LRPPRC: variants seen among roughly 807,000 people sequenced by gnomAD.
LRPPRC encodes the protein leucine-rich PPR motif-containing protein, mitochondrial.
Under a neutral mutation model 180.3 loss-of-function variants are expected in LRPPRC, and 120 were observed. That is an observed-to-expected ratio of 0.67 (90% CI 0.57 to 0.77). The LOEUF is 0.77. Among genes scored for constraint, LRPPRC ranks in the 30% least tolerant of loss-of-function variants. The probability of loss-of-function intolerance (pLI) is 0.00; values close to 1 mark genes in which losing one functional copy is unlikely to be tolerated. For synonymous variants in LRPPRC, 723 were observed against 600.0 expected (o/e 1.21, Z -3.00); for missense variants, 2,012 against 1,657.2 (o/e 1.21, Z -3.72).
intron 13 of LRPPRC, among the ~76,000 whole-genome samples, chr2:43,959,582 C>T (rs967713286): frequency 1.3e-5 from 2 of 152,140 alleles, no homozygotes; most frequent in African/African-American, 4.8e-5. Flanking sequence ...AAAATAAGGT[C>T]TCTTAAGAAC....
chr2:43,921,204 A>G (rs2105032632), intron 27 of LRPPRC, among the ~76,000 whole-genome samples: 1 of 152,336 alleles, frequency 6.6e-6, no homozygotes. Context: ...AGGCAGGAGA[A>G]TCGCTTGAAC....
At chr2:43,965,621 G>A (rs1192687794) in intron 11 of LRPPRC, among the ~76,000 whole-genome samples, 1 of 151,964 alleles carries the variant, frequency 6.6e-6, no homozygotes, top group African/African-American at 2.4e-5. Flanking sequence ...TCTGATAAGG[G>A]GCTAATACCT....
intron 31 of LRPPRC, chr2:43,903,366 G>A (rs890147114): frequency 2.0e-5 from 3 of 152,012 alleles, no homozygotes; most frequent in Non-Finnish European, 2.9e-5. Context: ...AAATTTAATC[G>A]GCTTTATTTT....
chr2:43,950,699 TA>T, intron 14 of LRPPRC, 99 bp from the exon 15 acceptor site: 1 of 851,630 alleles, frequency 1.2e-6, no homozygotes, highest in Non-Finnish European at 2.0e-6. Context: ...AATTAATAAG[TA>T]AATAAATGTT....
intron 7 of LRPPRC, 111 bp from the exon 8 acceptor site, chr2:43,974,869 G>C: frequency 4.4e-6 from 5 of 1,138,532 alleles, no homozygotes; most frequent in Non-Finnish European, 6.5e-6. Context: ...CCACCTAAAG[G>C]TTTACGACTT....
At chr2:43,903,845 T>C (rs1433018028) in intron 31 of LRPPRC, 1 of 152,228 alleles carries the variant, frequency 6.6e-6, no homozygotes, top group Non-Finnish European at 1.5e-5. Context: ...ACAAAAGCTA[T>C]TTATGACAAT....
chr2:43,982,181 C>A, intron 2 of LRPPRC, 57 bp downstream of exon 2: 5 of 1,259,396 alleles, frequency 4.0e-6, no homozygotes, highest in Non-Finnish European at 5.6e-6. Flanking sequence ...GGATTACAGG[C>A]CTGAGCCACT....
intron 23 of LRPPRC, among the ~76,000 whole-genome samples, chr2:43,940,621 C>G (rs1413032393): frequency 6.6e-6 from 1 of 152,116 alleles, no homozygotes; most frequent in East Asian, 1.9e-4. Flanking sequence ...CTTGCACCAA[C>G]ATAATCCAGT....
At chr2:43,979,657 A>C in intron 3 of LRPPRC, among the ~76,000 whole-genome samples, 169 bp downstream of exon 3, 1 of 152,184 alleles carries the variant, frequency 6.6e-6, no homozygotes. Context: ...TTTATTGTTA[A>C]TGACCCTAGA....
At chr2:43,895,213 TGATG>T (rs975243584) in intron 35 of LRPPRC, among the ~76,000 whole-genome samples, 2 of 152,206 alleles carry the variant, frequency 1.3e-5, no homozygotes, top group African/African-American at 4.8e-5. Flanking sequence ...GATAAACCCA[TGATG>T]GATATATAAA....
chr2:43,936,075 C>CTTTTGT (rs1672266847), intron 23 of LRPPRC, among the ~76,000 whole-genome samples: 1 of 151,522 alleles, frequency 6.6e-6, no homozygotes, highest in South Asian at 2.1e-4. Flanking sequence ...AAAAGTGAAA[C>CTTTTGT]TCTGTTTCAA....
chr2:43,962,321 G>A (rs1673380375), intron 12 of LRPPRC, among the ~76,000 whole-genome samples: 1 of 152,102 alleles, frequency 6.6e-6, no homozygotes, highest in Admixed American at 6.5e-5. Flanking sequence ...ACTCCACTAA[G>A]AACTTAGGGA....
At position 43,901,497 on chromosome 2, in the gene LRPPRC, A is replaced by T; in HGVS notation, c.3392T>A (p.Leu1131Ter). Residue 1131 changes from leucine to a stop codon, truncating the protein, a stop_gained, in exon 32 of 38, where the codon TTG (leucine) becomes TAG (stop). Transcript: ENST00000260665. LOFTEE classifies it high-confidence loss of function. ...CCTAGAAGGGGTCTGCTGCTGATCC[A>T]ATACTGTTTTCAGTGTTGTCACAGC... Reference protein sequence around the residue: ...KEAVTTLKTVLDQQQTPSRLA... With the variant: ...KEAVTTLKTV The T allele has an allele frequency of 6.2e-7, 1 of 1,613,842 alleles. No individual in the cohort carries two copies. Among genetic ancestry groups the T allele is most frequent in the Non-Finnish European group, 8.5e-7 (1 of 1,179,696 alleles).
At chr2:43,909,918 T>C (rs933400082) in intron 30 of LRPPRC, among the ~76,000 whole-genome samples, 2 of 152,162 alleles carry the variant, frequency 1.3e-5, no homozygotes, top group Admixed American at 6.6e-5. Context: ...GTTTCAACCT[T>C]GGTAGATCAA....
At chr2:43,912,314 G>T in intron 30 of LRPPRC, 118 bp downstream of exon 30, 1 of 852,310 alleles carries the variant, frequency 1.2e-6, no homozygotes, top group Non-Finnish European at 1.9e-6. Context: ...GATTTTTATG[G>T]GTAGCTGAGG....
At chr2:43,944,532 A>G (rs1422159117) in intron 22 of LRPPRC, among the ~76,000 whole-genome samples, 1 of 152,114 alleles carries the variant, frequency 6.6e-6, no homozygotes, top group Non-Finnish European at 1.5e-5. Context: ...TGATTTTAAA[A>G]AAATAGGCTA....
At chr2:43,940,334 T>G (rs535912186) in intron 23 of LRPPRC, among the ~76,000 whole-genome samples, 1 of 152,338 alleles carries the variant, frequency 6.6e-6, no homozygotes, top group South Asian at 2.1e-4. Context: ...GGGGAGCATG[T>G]GTAACAGAAT....
At chr2:43,989,040 A>T (rs1183486397) in intron 1 of LRPPRC, among the ~76,000 whole-genome samples, 1 of 151,950 alleles carries the variant, frequency 6.6e-6, no homozygotes, top group Non-Finnish European at 1.5e-5. Flanking sequence ...ACAGCTGGCT[A>T]ATTTCTTTTT....
chr2:43,949,745 A>C, intron 15 of LRPPRC, 86 bp from the exon 16 acceptor site: 1 of 889,916 alleles, frequency 1.1e-6, no homozygotes, highest in Non-Finnish European at 1.9e-6. Context: ...GAAATAATAA[A>C]ACCTCTCCCC....
Sources: gnomAD v4.1 joint callset for allele counts (sites outside exome capture counted in the v4.1 genomes callset) on GRCh38, gnomAD v4.1.1 for gene constraint, MANE v1.5 for transcripts, NCBI Gene and HGNC (gene_info 2026-07-23, HGNC 2026-07-21) for gene names.